C2CD3: variants seen among roughly 807,000 people sequenced by gnomAD.
C2CD3 encodes C2 domain-containing protein 3.
A neutral mutation model predicts 234.0 loss-of-function variants in C2CD3; 148 were observed. The observed-to-expected ratio is 0.63, with a 90% CI of 0.55 to 0.72. The LOEUF is 0.72. Ranked by LOEUF, C2CD3 falls within the 30% of genes least tolerant of loss-of-function variation. The probability of loss-of-function intolerance (pLI) is 0.00; values close to 1 mark genes in which losing one functional copy is unlikely to be tolerated. For missense variants in C2CD3, 2,577 were observed against 2,811.5 expected (o/e 0.92, Z 1.89); for synonymous variants, 1,000 against 1,035.4 (o/e 0.97, Z 0.66).
chr11:74,052,272 G>GTC (rs1953729530), intron 26 of C2CD3, among the ~76,000 whole-genome samples: 1 of 152,150 alleles, frequency 6.6e-6, no homozygotes, highest in African/African-American at 2.4e-5. Context: ...CTGACACATA[G>GTC]TAGACATAAT....
At chr11:74,049,717 T>G (rs1953581133) in intron 26 of C2CD3, among the ~76,000 whole-genome samples, 175 bp from the exon 27 acceptor site, 1 of 152,198 alleles carries the variant, frequency 6.6e-6, no homozygotes, top group African/African-American at 2.4e-5. Flanking sequence ...CTGCCTTCCC[T>G]GTTAGGAATT....
intron 18 of C2CD3, among the ~76,000 whole-genome samples, 159 bp from the exon 19 acceptor site, chr11:74,092,747 T>G (rs1326383735): frequency 6.6e-6 from 1 of 151,112 alleles, no homozygotes; most frequent in Non-Finnish European, 1.5e-5. Flanking sequence ...CCACTCATTA[T>G]GTGGAGGAGG....
chr11:74,064,330 AAG>A (rs1245437049), intron 24 of C2CD3, among the ~76,000 whole-genome samples: 1 of 152,204 alleles, frequency 6.6e-6, no homozygotes, highest in Non-Finnish European at 1.5e-5. Context: ...AATTGCTTCA[AAG>A]AGAATAAAAT....
At chr11:74,114,891 G>C (rs1446851036) in intron 9 of C2CD3, among the ~76,000 whole-genome samples, 1 of 151,830 alleles carries the variant, frequency 6.6e-6, no homozygotes, top group Non-Finnish European at 1.5e-5. Flanking sequence ...TTGTAGAGAT[G>C]AGATATTACT....
At chr11:74,050,281 A>T (rs1363807642) in intron 26 of C2CD3, among the ~76,000 whole-genome samples, 1 of 152,220 alleles carries the variant, frequency 6.6e-6, no homozygotes, top group Non-Finnish European at 1.5e-5. Context: ...GAACAAAGTG[A>T]TGCAAATTAA....
chr11:74,039,107 A>G (rs1437324056), intron 29 of C2CD3, among the ~76,000 whole-genome samples: 1 of 152,226 alleles, frequency 6.6e-6, no homozygotes, highest in Non-Finnish European at 1.5e-5. Flanking sequence ...ATCGTGGTAT[A>G]TGCCACATGG....
chr11:74,134,647 T>C (rs1957797947), intron 5 of C2CD3, among the ~76,000 whole-genome samples: 1 of 152,204 alleles, frequency 6.6e-6, no homozygotes, highest in Admixed American at 6.5e-5. Flanking sequence ...ACTCCTAGTC[T>C]AATTTTATAA....
chr11:74,088,039 A>G (rs540755003), intron 20 of C2CD3, among the ~76,000 whole-genome samples: 2 of 152,314 alleles, frequency 1.3e-5, no homozygotes, highest in East Asian at 3.9e-4. Flanking sequence ...CCTGCTATCT[A>G]GATGCCAGCG....
At chr11:74,060,323 A>C (rs1309431722) in intron 24 of C2CD3, among the ~76,000 whole-genome samples, 1 of 152,224 alleles carries the variant, frequency 6.6e-6, no homozygotes, top group Non-Finnish European at 1.5e-5. Flanking sequence ...TGCCTCCTCA[A>C]GTGGGTCCCT....
chr11:74,024,393 A>G (rs1433730659), intron 32 of C2CD3, among the ~76,000 whole-genome samples: 1 of 152,254 alleles, frequency 6.6e-6, no homozygotes, highest in African/African-American at 2.4e-5. Context: ...GTGAAATTCC[A>G]AAGAAGTTTT....
At position 74,048,283 on chromosome 11, in the gene C2CD3, G is replaced by C. The variant is rs776801493; in HGVS notation, c.5417C>G (p.Ser1806Cys). The C allele has an allele frequency of 2.5e-6, 4 of 1,613,594 alleles. No individual in the cohort carries two copies. Among genetic ancestry groups the C allele is most frequent in the Non-Finnish European group, 3.4e-6 (4 of 1,179,788 alleles). Residue 1806 changes from serine to cysteine, a missense_variant, in exon 28 of 33, where the codon TCC becomes TGC. Transcript: ENST00000334126. ...FPASDTYAAF[S>C]SHMARQTLDQ... Reference sequence around the variant, plus strand: ...TAGGGTCTGCCTTGCCATGTGGCTGGAGAATGCAGCATACGTATCAGAGGC... The same window carrying C: ...TAGGGTCTGCCTTGCCATGTGGCTGCAGAATGCAGCATACGTATCAGAGGC...
At chr11:74,096,562 T>C (rs1034865558) in intron 16 of C2CD3, among the ~76,000 whole-genome samples, 2 of 152,168 alleles carry the variant, frequency 1.3e-5, no homozygotes, top group African/African-American at 4.8e-5. Context: ...TATTCAGTTC[T>C]GCAAATGGTG....
At chr11:74,060,362 C>T (rs1272588751) in intron 24 of C2CD3, among the ~76,000 whole-genome samples, 7 of 152,184 alleles carry the variant, frequency 4.6e-5, no homozygotes, top group Admixed American at 1.3e-4. Flanking sequence ...CTGGGAGACA[C>T]CTCCCAGTAG....
intron 15 of C2CD3, among the ~76,000 whole-genome samples, chr11:74,098,519 G>A (rs1269089193): frequency 6.6e-5 from 10 of 152,170 alleles, no homozygotes; most frequent in South Asian, 2.1e-4. Context: ...CAGTGTCTGT[G>A]ATTTGAACAG....
intron 16 of C2CD3, among the ~76,000 whole-genome samples, chr11:74,097,366 C>T (rs960515910): frequency 6.6e-6 from 1 of 152,078 alleles, no homozygotes; most frequent in African/African-American, 2.4e-5. Flanking sequence ...ATAGAAGATA[C>T]AGTAGTACAT....
chr11:74,079,128 T>C (rs1488322509), intron 22 of C2CD3, among the ~76,000 whole-genome samples: 6 of 152,228 alleles, frequency 3.9e-5, no homozygotes, highest in Admixed American at 1.3e-4. Flanking sequence ...TATGGTACTA[T>C]GAGTGCAACA....
chr11:74,163,927 T>C (rs1019804088), intron 2 of C2CD3, among the ~76,000 whole-genome samples: 2 of 152,216 alleles, frequency 1.3e-5, no homozygotes, highest in South Asian at 2.1e-4. Context: ...CACATCTCAT[T>C]AATTCTCTTA....
At chr11:74,090,407 A>G (rs1392911416) in intron 20 of C2CD3, among the ~76,000 whole-genome samples, 1 of 152,180 alleles carries the variant, frequency 6.6e-6, no homozygotes, top group African/African-American at 2.4e-5. Context: ...TTAAGTGTTC[A>G]TAGGTTCACT....
At chr11:74,124,022 T>C (rs1957315715) in intron 7 of C2CD3, among the ~76,000 whole-genome samples, 1 of 152,126 alleles carries the variant, frequency 6.6e-6, no homozygotes, top group Non-Finnish European at 1.5e-5. Flanking sequence ...CCTTTTTTGA[T>C]AGCAATTTTT....
Sources: allele counts gnomAD v4.1 joint callset (sites outside exome capture counted in the v4.1 genomes callset), GRCh38; gene constraint gnomAD v4.1.1; transcripts MANE v1.5; gene names NCBI Gene and HGNC (gene_info 2026-07-23, HGNC 2026-07-21).